Variants in EMSY observed in about 807,000 individuals in gnomAD.
EMSY encodes EMSY transcriptional repressor, BRCA2 interacting.
Under a neutral mutation model 134.6 loss-of-function variants are expected in EMSY, and 26 were observed. The ratio of observed to expected loss-of-function variants is 0.19; its 90% confidence interval spans 0.14 to 0.27. The LOEUF is 0.27. EMSY is among the 10% of genes least tolerant of loss of function. The probability of loss-of-function intolerance (pLI) is 1.00; values close to 1 mark genes in which losing one functional copy is unlikely to be tolerated. For missense variants in EMSY, 1,305 were observed against 1,611.4 expected (o/e 0.81, Z 3.26); for synonymous variants, 579 against 577.8 (o/e 1.00, Z -0.03).
At chr11:76,484,195 A>G (rs1171274506) in intron 8 of EMSY, among the ~76,000 whole-genome samples, 1 of 152,240 alleles carries the variant, frequency 6.6e-6, no homozygotes, top group Non-Finnish European at 1.5e-5. Flanking sequence ...ACTTCTTTGA[A>G]ACCAATGAGA....
exon 19 of EMSY, chr11:76,544,474 A>T (rs1951566252): frequency 6.2e-7 from 1 of 1,614,098 alleles, no homozygotes; most frequent in Non-Finnish European, 8.5e-7. Flanking sequence ...TCCAGACTAA[A>T]CAGAAGCAGA....
Position 76,490,855 on chromosome 11 carries a change from G to GGTGT in EMSY, c.1109-5337_1109-5334dup, listed in dbSNP as rs61555535. Among the ~76,000 whole-genome samples, 488 of 148,686 alleles carry GGTGT rather than the reference G, an allele frequency of 3.3e-3. 4 individuals carry two copies. The highest frequency in any genetic ancestry group is 0.01 in the African/African-American group (418 of 40,566). On this transcript the variant is annotated intron_variant, in intron 8 of 20. Coordinates refer to ENST00000334736, the Ensembl canonical transcript of EMSY. ...GTTCTGGATATGTTCATTGCTAGGG[G>GGTGT]GTGTGTGTGTGTGTGTGTGTGTGTG...
chr11:76,499,870 A>G (rs951318730), intron 9 of EMSY, among the ~76,000 whole-genome samples: 8 of 152,098 alleles, frequency 5.3e-5, no homozygotes, highest in Non-Finnish European at 1.2e-4. Flanking sequence ...CCTGGGCAAT[A>G]TAACAAGACC....
chr11:76,544,021 A>G (rs1951545917), intron 18 of EMSY, among the ~76,000 whole-genome samples: 1 of 152,114 alleles, frequency 6.6e-6, no homozygotes, highest in Non-Finnish European at 1.5e-5. Flanking sequence ...TCTAATCTGT[A>G]AGTTCTGGAC....
intron 8 of EMSY, among the ~76,000 whole-genome samples, chr11:76,481,136 C>T (rs544447823): frequency 5.3e-5 from 8 of 152,142 alleles, no homozygotes; most frequent in African/African-American, 1.4e-4. Context: ...CTCTGCCTCC[C>T]GGGTTCACAC....
intron 8 of EMSY, among the ~76,000 whole-genome samples, chr11:76,474,803 G>A (rs914544770): frequency 5.4e-4 from 82 of 152,122 alleles, no homozygotes; most frequent in African/African-American, 1.8e-3. Flanking sequence ...TCCCTCTGTC[G>A]CCCAGGCTAG....
At chr11:76,495,248 G>A (rs570327719) in intron 8 of EMSY, among the ~76,000 whole-genome samples, 32 of 152,222 alleles carry the variant, frequency 2.1e-4, no homozygotes, top group Non-Finnish European at 4.3e-4. Context: ...GTAATACAGT[G>A]TATTTGTCAT....
chr11:76,516,046 C>T, intron 10 of EMSY, 96 bp from the exon 12 acceptor site: 1 of 1,070,210 alleles, frequency 9.3e-7, no homozygotes. Context: ...CAAGTTATAG[C>T]AATGTAGATT....
intron 9 of EMSY, among the ~76,000 whole-genome samples, chr11:76,503,457 G>A (rs999580457): frequency 1.2e-4 from 18 of 151,926 alleles, no homozygotes; most frequent in African/African-American, 2.7e-4. Context: ...AAATAAAACC[G>A]TACAACTATG....
Position 76,485,282 on chromosome 11 carries a change from A to G in EMSY, c.1109-10933A>G, listed in dbSNP as rs146358141. Among the ~76,000 whole-genome samples, 439 of 152,366 alleles carry G rather than the reference A, an allele frequency of 2.9e-3. 3 individuals are homozygous for G. Among genetic ancestry groups the G allele is most frequent in the East Asian group, 0.019 (100 of 5,190 alleles). ...AGGCCAATATCCCTGATGAACATCA[A>G]TGAAAAAATCCTCAATAAAATCCTG... On this transcript the variant is annotated intron_variant, in intron 8 of 20. Transcript: ENST00000334736.
At chr11:76,521,409 A>G (rs538887135) in intron 11 of EMSY, among the ~76,000 whole-genome samples, 53 of 152,180 alleles carry the variant, frequency 3.5e-4, no homozygotes, top group Non-Finnish European at 5.9e-4. Flanking sequence ...GAGGAATCAT[A>G]AAAAGGTACA....
intron 11 of EMSY, among the ~76,000 whole-genome samples, chr11:76,519,915 G>A (rs550774342): frequency 6.6e-6 from 1 of 152,240 alleles, no homozygotes; most frequent in African/African-American, 2.4e-5. Flanking sequence ...CTACGAGCCA[G>A]ATACTCTGCT....
At chr11:76,495,823 CA>C (rs1949631786) in intron 8 of EMSY, among the ~76,000 whole-genome samples, 1 of 152,024 alleles carries the variant, frequency 6.6e-6, no homozygotes, top group Admixed American at 6.5e-5. Context: ...AAATATATAA[CA>C]TATAAATAAG....
At chr11:76,495,631 A>G (rs779426377) in intron 8 of EMSY, among the ~76,000 whole-genome samples, 20 of 152,110 alleles carry the variant, frequency 1.3e-4, no homozygotes, top group Non-Finnish European at 2.5e-4. Flanking sequence ...ACAACTTTTC[A>G]TATGATTATT....
intron 4 of EMSY, among the ~76,000 whole-genome samples, chr11:76,457,266 T>A (rs904089834): frequency 6.6e-6 from 1 of 152,168 alleles, no homozygotes. Context: ...GAACCTATGG[T>A]TTCAAATGCA....
intron 11 of EMSY, among the ~76,000 whole-genome samples, chr11:76,518,713 T>TTTA (rs1950543999): frequency 3.8e-5 from 4 of 106,278 alleles, no homozygotes; most frequent in Non-Finnish European, 4.5e-5. Flanking sequence ...ATTTTTTTTT[T>TTTA]AATTGGGATC....
At chr11:76,526,397 C>A in intron 12 of EMSY, 65 bp from the exon 14 acceptor site, 1 of 1,228,894 alleles carries the variant, frequency 8.1e-7, no homozygotes, top group South Asian at 2.1e-5. Context: ...ACTGATTTTT[C>A]AGTGAGAGGA....
intron 8 of EMSY, among the ~76,000 whole-genome samples, chr11:76,473,313 T>C (rs1948646360): frequency 6.6e-6 from 1 of 151,932 alleles, no homozygotes; most frequent in Non-Finnish European, 1.5e-5. Context: ...TTTTCTTTTT[T>C]TTTTTCTCGT....
chr11:76,527,508 G>A (rs1025477041), intron 13 of EMSY, among the ~76,000 whole-genome samples: 1 of 152,036 alleles, frequency 6.6e-6, no homozygotes, highest in African/African-American at 2.4e-5. Context: ...ATAATTATGA[G>A]TTAATAGTTT....
Sources: gnomAD v4.1 joint callset for allele counts (sites outside exome capture counted in the v4.1 genomes callset) on GRCh38, gnomAD v4.1.1 for gene constraint, MANE v1.5 for transcripts, NCBI Gene and HGNC (gene_info 2026-07-23, HGNC 2026-07-21) for gene names.